The following SEMA4A variants were observed in gnomAD, a reference collection of about 807,000 sequenced individuals.
The protein encoded by SEMA4A is semaphorin 4A, also known as semaphorin-4A.
Under a neutral mutation model 72.5 loss-of-function variants are expected in SEMA4A, and 52 were observed. That is an observed-to-expected ratio of 0.72 (90% CI 0.57 to 0.90). SEMA4A has a LOEUF of 0.90. Among genes scored for constraint, SEMA4A ranks in the 40% least tolerant of loss-of-function variants. The pLI, the probability that SEMA4A is intolerant of heterozygous loss-of-function variation, is 0.00. For missense variants in SEMA4A, 926 were observed against 959.7 expected (o/e 0.96, Z 0.46); for synonymous variants, 369 against 393.1 (o/e 0.94, Z 0.73).
At chr1:156,163,115 T>C (rs1416317955) in intron 10 of SEMA4A, 21 bp downstream of exon 10, 3 of 1,606,758 alleles carry the variant, frequency 1.9e-6, no homozygotes, top group African/African-American at 2.7e-5. Flanking sequence ...CCCCCCACAC[T>C]GAGCACAGTC....
In SEMA4A at chr1:156,158,750, C is replaced by T. The variant is rs201943133; in HGVS notation, c.494C>T (p.Ser165Leu). The change falls in exon 6 of 15, where the codon TCG (serine) becomes TTG (leucine). Residue 165 changes from serine (S) to leucine (L), a missense_variant. Physicochemically the swap from Ser to Leu is moderately radical, Grantham distance 145. Transcript: ENST00000368285. The stretch of plus-strand genomic sequence containing the variant: ...CAAGATTCCTACCTGTTGCCCATCT[C>T]GGAGGACAAGGTCATGGAGGGAAAA... The part of the protein sequence containing the change: ...ELQDSYLLPI[S>L]EDKVMEGKGQ... 5.4e-5 allele frequency: 87 copies of T among 1,614,032 alleles called. No homozygotes were observed. The highest frequency in any genetic ancestry group is 1.6e-4 in the East Asian group (7 of 44,874).
chr1:156,158,675 T>C (rs1461433640), intron 5 of SEMA4A, 44 bp from the exon 6 acceptor site: 3 of 1,504,118 alleles, frequency 2.0e-6, no homozygotes, highest in Non-Finnish European at 2.8e-6. Context: ...TTCCCAGATG[T>C]GAGACCTTGG....
At chr1:156,168,927 G>C (rs1427952486) in intron 10 of SEMA4A, among the ~76,000 whole-genome samples, 1 of 152,188 alleles carries the variant, frequency 6.6e-6, no homozygotes, top group Non-Finnish European at 1.5e-5. Context: ...TTGGGAAAGA[G>C]TCTCATCATG....
chr1:156,150,984 C>T (rs1363368926), upstream of SEMA4A, among the ~76,000 whole-genome samples: 2 of 152,116 alleles, frequency 1.3e-5, no homozygotes, highest in Non-Finnish European at 1.5e-5. Context: ...AACATCTGAC[C>T]CCTTCCCACT....
intron 10 of SEMA4A, among the ~76,000 whole-genome samples, chr1:156,171,776 TTAATTA>T: frequency 6.6e-6 from 1 of 151,542 alleles, no homozygotes; most frequent in African/African-American, 2.4e-5. Flanking sequence ...AATTAATTAA[TTAATTA>T]ATTTATTTAT....
At chr1:156,158,900 G>A (rs1653310465) in intron 6 of SEMA4A, 76 bp downstream of exon 6, 1 of 1,333,058 alleles carries the variant, frequency 7.5e-7, no homozygotes. Context: ...ATATTACAGA[G>A]TTTTCCAAAA....
At position 156,173,017 on chromosome 1, in the gene SEMA4A, A is replaced by G. The variant is rs749172949; in HGVS notation, c.1315+11A>G. On this transcript the variant is annotated intron_variant, in intron 11 of 14. Coordinates refer to ENST00000368285, the MANE Select transcript of SEMA4A (RefSeq NM_022367.4). Reference sequence around the variant, plus strand: ...TGTACCTGGGAACCAGTGAGTAAAGAGTTCCGGGACATCCCCCAGAGGACT... The same window carrying G: ...TGTACCTGGGAACCAGTGAGTAAAGGGTTCCGGGACATCCCCCAGAGGACT... 1 of 1,613,372 alleles carries G rather than the reference A, an allele frequency of 6.2e-7. No individual in the cohort carries two copies. Among genetic ancestry groups the G allele is most frequent in the East Asian group, 2.2e-5 (1 of 44,886 alleles).
chr1:156,171,330 T>C (rs185823302), intron 10 of SEMA4A, among the ~76,000 whole-genome samples: 3 of 152,260 alleles, frequency 2.0e-5, no homozygotes, highest in African/African-American at 7.2e-5. Context: ...GCAGGGCCTT[T>C]AGAGAACAGT....
intron 11 of SEMA4A, 93 bp downstream of exon 11, chr1:156,173,099 C>A: frequency 7.9e-7 from 1 of 1,260,414 alleles, no homozygotes. Flanking sequence ...TTCACTTATT[C>A]ATTCAACAAC....
chr1:156,150,706 G>A (rs765766569), upstream of SEMA4A, among the ~76,000 whole-genome samples: 14 of 152,188 alleles, frequency 9.2e-5, no homozygotes, highest in Admixed American at 6.5e-4. Context: ...GCATAGAGTC[G>A]GGGCGGGAAG....
Position 156,160,505 on chromosome 1 carries a change from A to G in SEMA4A, c.631A>G (p.Thr211Ala). The change falls in exon 7 of 15, where the codon ACA becomes GCA. Residue 211 changes from threonine to alanine, a missense_variant. Transcript: ENST00000368285. ...GGGCAGTGAGCCCATCCTGATGCGC[A>G]CACTGGGATCCCAGCCTGTCCTCAA... ...FLGSEPILMR[T>A]LGSQPVLKTD... 6.2e-7 allele frequency: 1 copy of G among 1,614,068 alleles called. No individual in the cohort carries two copies. Among genetic ancestry groups the G allele is most frequent in the Non-Finnish European group, 8.5e-7 (1 of 1,180,002 alleles).
Position 156,161,091 on chromosome 1 carries a change from G to T in SEMA4A, c.810+62G>T, listed in dbSNP as rs1273049943. 6 of 1,584,976 alleles carry T rather than the reference G, an allele frequency of 3.8e-6. No individual in the cohort carries two copies. In the Admixed American group the frequency reaches 6.8e-5, roughly 18 times the overall value. On this transcript the variant is annotated intron_variant, in intron 8 of 14. Coordinates refer to ENST00000368285, the MANE Select transcript of SEMA4A (RefSeq NM_022367.4). ...GAGAACCAATAGGGAGATGGCAGGG[G>T]CAGGACTGAGTGGTGGGCCCCCAGT...
intron 8 of SEMA4A, 35 bp downstream of exon 8, chr1:156,161,064 A>C (rs1179171050): frequency 8.2e-6 from 13 of 1,585,930 alleles, no homozygotes; most frequent in Non-Finnish European, 1.1e-5. Flanking sequence ...GGCTAACTGG[A>C]GGAGAACCAA....
intron 3 of SEMA4A, 50 bp downstream of exon 3, chr1:156,156,624 G>A (rs751247768): frequency 2.9e-5 from 47 of 1,598,710 alleles, no homozygotes; most frequent in Middle Eastern, 1.9e-4. Context: ...AGAGGGGGCC[G>A]GCAGCTACCC....
upstream of SEMA4A, among the ~76,000 whole-genome samples, chr1:156,150,710 C>T (rs553064636): frequency 5.9e-5 from 9 of 152,084 alleles, no homozygotes; most frequent in Non-Finnish European, 1.0e-4. Context: ...AGAGTCGGGG[C>T]GGGAAGCAAC....
At position 156,172,832 on chromosome 1, in the gene SEMA4A, G is replaced by A; in HGVS notation, c.1141G>A (p.Val381Met). 1 of 1,614,176 alleles carries A rather than the reference G, an allele frequency of 6.2e-7. No homozygotes were observed. Among genetic ancestry groups the A allele is most frequent in the South Asian group, 1.1e-5 (1 of 91,072 alleles). Residue 381 changes from valine (V) to methionine (M), a missense_variant, in exon 11 of 15, where the codon GTG (valine) becomes ATG (methionine). Val to Met is a conservative substitution (Grantham distance 21). Coordinates refer to ENST00000368285, the MANE Select transcript of SEMA4A (RefSeq NM_022367.4). ...ETNPRPGSCS[V>M]GPSSDKALTF... ...TGCCTCCCTCCTCCTTTAGTGCTCA[G>A]TGGGCCCCTCCTCTGATAAGGCCCT...
upstream of SEMA4A, among the ~76,000 whole-genome samples, chr1:156,151,909 CT>C (rs1195871280): frequency 6.6e-6 from 1 of 150,678 alleles, no homozygotes; most frequent in Non-Finnish European, 1.5e-5. Flanking sequence ...GTTGAAAGTC[CT>C]CAGAAATCAC....
rs1653655665 is a variant in SEMA4A at position 156,161,491 on chromosome 1, A to G, written c.956A>G (p.His319Arg). 1 of 1,613,950 alleles carries G rather than the reference A, an allele frequency of 6.2e-7. No individual in the cohort carries two copies. Among genetic ancestry groups the G allele is most frequent in the South Asian group, 1.1e-5 (1 of 91,040 alleles). ...LLPADSPTAP[H>R]IYAVFTSQWQ... ...CCCGCCGATTCTCCCACAGCTCCCC[A>G]CATCTACGCAGTCTTCACCTCCCAG... The change falls in exon 9 of 15, where the codon CAC (histidine) becomes CGC (arginine). Residue 319 changes from histidine (H) to arginine (R), a missense_variant. Physicochemically the swap from His to Arg is conservative, Grantham distance 29. Transcript: ENST00000368285.
At position 156,157,995 on chromosome 1, in the gene SEMA4A, G is replaced by A. The variant is rs1214569179; in HGVS notation, c.301-75G>A. On this transcript the variant is annotated intron_variant, in intron 3 of 14. Coordinates refer to ENST00000368285, the MANE Select transcript of SEMA4A (RefSeq NM_022367.4). The surrounding 1 kb of genome is among the most constrained non-coding windows in gnomAD (Gnocchi z 4.5). ...GCTGGTTATTTCACATCAGAGCAGA[G>A]AAGGGAGGCAGGTCACAGCTAGAAC... 3.4e-6 allele frequency: 5 copies of A among 1,449,934 alleles called. No homozygotes were observed. In the Admixed American group the frequency reaches 5.2e-5, roughly 15 times the overall value. The allele number at this position is 1,449,934 out of a possible 1,614,324, so 89.8% of individuals were successfully genotyped here.
Sources: allele counts gnomAD v4.1 joint callset (sites outside exome capture counted in the v4.1 genomes callset), GRCh38; gene constraint gnomAD v4.1.1; non-coding constraint Gnocchi (gnomAD v3.1); transcripts MANE v1.5; gene names NCBI Gene and HGNC (gene_info 2026-07-23, HGNC 2026-07-21).